XKR4: variants seen among roughly 807,000 people sequenced by gnomAD.
XKR4 encodes the protein XK-related protein 4.
XKR4 carries 12 observed loss-of-function variants against 53.9 expected under a neutral mutation model. The observed-to-expected ratio is 0.22, with a 90% confidence interval of 0.14 to 0.36. XKR4 has a LOEUF of 0.36. XKR4 is among the 10% of genes least tolerant of loss of function. The probability of loss-of-function intolerance (pLI) is 1.00; values close to 1 mark genes in which losing one functional copy is unlikely to be tolerated. For synonymous variants in XKR4, 354 were observed against 362.4 expected (o/e 0.98, Z 0.26); for missense variants, 799 against 859.5 (o/e 0.93, Z 0.88).
At chr8:55,211,786 A>T (rs977311943) in intron 1 of XKR4, among the ~76,000 whole-genome samples, 7 of 152,256 alleles carry the variant, frequency 4.6e-5, no homozygotes, top group Non-Finnish European at 7.3e-5. Context: ...TCATTGAAAA[A>T]GAGTTAAACT....
intron 1 of XKR4, among the ~76,000 whole-genome samples, chr8:55,193,360 C>T (rs913274829): frequency 3.3e-5 from 5 of 152,076 alleles, no homozygotes; most frequent in African/African-American, 1.2e-4. Context: ...CAGGTCTCTC[C>T]GCCACCCCAC....
At chr8:55,327,318 T>A (rs1803308681) in intron 1 of XKR4, among the ~76,000 whole-genome samples, 2 of 151,980 alleles carry the variant, frequency 1.3e-5, no homozygotes, top group South Asian at 4.2e-4. Context: ...GTTTATAATA[T>A]ATGCTCAAAA....
At position 55,537,073 on chromosome 8, in the gene XKR4, G is replaced by A. The variant is rs1009321082; in HGVS notation, c.*12846G>A. On this transcript the variant is annotated 3_prime_UTR_variant, in exon 3 of 3. Transcript: ENST00000327381. ...ATTTCATGGTGAATTTTATAAGGTT[G>A]ATAGAAGTAAAAGCTATTTTTCCCA... 6.6e-6 allele frequency: 1 copy of A among 152,208 alleles called. No homozygotes were observed. Among genetic ancestry groups the A allele is most frequent in the Non-Finnish European group, 1.5e-5 (1 of 68,034 alleles). The allele number at this position is 152,208 out of a possible 1,614,324, so 9.4% of individuals were successfully genotyped here. A position where few individuals can be genotyped will look rare whatever the true frequency, so the allele number is the denominator to read the frequency against.
chr8:55,163,147 G>T (rs1267804528), intron 1 of XKR4, among the ~76,000 whole-genome samples: 1 of 152,128 alleles, frequency 6.6e-6, no homozygotes, highest in South Asian at 2.1e-4. Flanking sequence ...CTCCCCTCCT[G>T]TTACATACAC....
intron 1 of XKR4, among the ~76,000 whole-genome samples, chr8:55,231,503 G>A (rs1015195492): frequency 6.6e-6 from 1 of 152,116 alleles, no homozygotes; most frequent in African/African-American, 2.4e-5. Context: ...TGCCCAGGCT[G>A]GGCAGTGATC....
Position 55,533,218 on chromosome 8 carries a change from C to G in XKR4, c.*8991C>G, listed in dbSNP as rs540064554. 1.3e-5 allele frequency: 2 copies of G among 152,232 alleles called. No individual in the cohort carries two copies. The highest frequency in any genetic ancestry group is 2.1e-4 in the South Asian group (1 of 4,824). The allele number at this position is 152,232 out of a possible 1,614,324, so 9.4% of individuals were successfully genotyped here. A position where few individuals can be genotyped will look rare whatever the true frequency, so the allele number is the denominator to read the frequency against. On this transcript the variant is annotated 3_prime_UTR_variant, in exon 3 of 3. Transcript: ENST00000327381. ...GAAAATGAGCACTTTGTGTGTTGAG[C>G]GCTGTTGCATTCACTTAGCAATTAA...
chr8:55,344,968 G>A (rs147386912), intron 1 of XKR4, among the ~76,000 whole-genome samples: 9 of 152,318 alleles, frequency 5.9e-5, no homozygotes, highest in Middle Eastern at 6.8e-3. Flanking sequence ...ATAAAAAGGA[G>A]ACCAGGTGCA....
Position 55,447,849 on chromosome 8 carries a change from G to A in XKR4, c.1007-75432G>A, listed in dbSNP as rs143349486. ...TTAGAAGTCTGAGACTGGGGAATTT[G>A]AGACTTCTTTAAGTCAGTTTTGATG... On this transcript the variant is annotated intron_variant, in intron 2 of 2. Transcript: ENST00000327381. 3.3e-3 allele frequency among the ~76,000 whole-genome samples: 509 copies of A among 152,316 alleles called. 5 individuals carry two copies. Among genetic ancestry groups the A allele is most frequent in the African/African-American group, 0.012 (480 of 41,570 alleles).
chr8:55,283,038 A>T (rs969993037), intron 1 of XKR4, among the ~76,000 whole-genome samples: 3 of 152,238 alleles, frequency 2.0e-5, no homozygotes, highest in Non-Finnish European at 4.4e-5. Context: ...TATTGAGTTC[A>T]GTCACATGCT....
At chr8:55,193,429 C>T (rs578118847) in intron 1 of XKR4, among the ~76,000 whole-genome samples, 27 of 152,062 alleles carry the variant, frequency 1.8e-4, no homozygotes, top group Admixed American at 3.9e-4. Context: ...TCCCACCTGT[C>T]GTCAGTCCCT....
intron 1 of XKR4, among the ~76,000 whole-genome samples, chr8:55,234,013 C>G (rs1460281685): frequency 6.6e-6 from 1 of 152,160 alleles, no homozygotes; most frequent in East Asian, 1.9e-4. Flanking sequence ...AGTACCAAAG[C>G]CAATACCATT....
At chr8:55,451,666 G>A (rs1554526875) in intron 2 of XKR4, 2 of 1,554,512 alleles carry the variant, frequency 1.3e-6, no homozygotes, top group South Asian at 1.2e-5. Flanking sequence ...GACACTCTGG[G>A]GCACGATCAG....
chr8:55,187,864 A>AT (rs1329581434), intron 1 of XKR4, among the ~76,000 whole-genome samples: 4 of 152,168 alleles, frequency 2.6e-5, no homozygotes, highest in South Asian at 2.1e-4. Context: ...GAGTTAATTT[A>AT]TTTTTTGTAA....
At chr8:55,258,721 T>C (rs528868812) in intron 1 of XKR4, among the ~76,000 whole-genome samples, 2 of 152,302 alleles carry the variant, frequency 1.3e-5, no homozygotes, top group South Asian at 4.1e-4. Context: ...CTAATGATCA[T>C]TTGTATTGTT....
chr8:55,439,260 A>G (rs1232112106), intron 2 of XKR4, among the ~76,000 whole-genome samples: 2 of 152,056 alleles, frequency 1.3e-5, no homozygotes. Context: ...ATACTCTTTG[A>G]AAAATGCACA....
At chr8:55,452,990 C>T in intron 2 of XKR4, 2 of 694,916 alleles carry the variant, frequency 2.9e-6, no homozygotes, top group South Asian at 2.7e-5. Context: ...ACAGGCACCA[C>T]TGCTCAGAAG....
chr8:55,182,131 T>C (rs1351013791), intron 1 of XKR4, among the ~76,000 whole-genome samples: 1 of 152,178 alleles, frequency 6.6e-6, no homozygotes, highest in African/African-American at 2.4e-5. Flanking sequence ...AGTTTAAAAA[T>C]TCATTATGAA....
rs989384465 is a variant in XKR4 at position 55,541,066 on chromosome 8, T to C, written c.*16839T>C. The C allele has an allele frequency of 1.3e-5, 2 of 152,222 alleles. No homozygotes were observed. Among genetic ancestry groups the C allele is most frequent in the Non-Finnish European group, 2.9e-5 (2 of 68,042 alleles). The allele number at this position is 152,222 out of a possible 1,614,324, so 9.4% of individuals were successfully genotyped here. ...AAGGATTTTTGCTACCAATATTTGTTCTTAATTCTCCAGTTATTTTAAGTA... is the reference window on the plus strand; with the variant it reads ...AAGGATTTTTGCTACCAATATTTGTCCTTAATTCTCCAGTTATTTTAAGTA... On this transcript the variant is annotated 3_prime_UTR_variant, in exon 3 of 3. Coordinates refer to ENST00000327381, the MANE Select transcript of XKR4 (RefSeq NM_052898.2).
intron 1 of XKR4, among the ~76,000 whole-genome samples, chr8:55,306,869 C>G (rs1036268172): frequency 6.6e-6 from 1 of 151,720 alleles, no homozygotes; most frequent in Non-Finnish European, 1.5e-5. Flanking sequence ...AGATGGATTT[C>G]CATATGCAAA....
Sources: gnomAD v4.1 joint callset for allele counts (sites outside exome capture counted in the v4.1 genomes callset) on GRCh38, gnomAD v4.1.1 for gene constraint, MANE v1.5 for transcripts, NCBI Gene and HGNC (gene_info 2026-07-23, HGNC 2026-07-21) for gene names.